Variants in ARHGEF10L observed in about 807,000 individuals in gnomAD.
ARHGEF10L encodes the protein rho guanine nucleotide exchange factor 10-like protein.
In ARHGEF10L, 69 loss-of-function variants were observed where a neutral mutation model predicts 141.2. The observed-to-expected ratio is 0.49, with a 90% CI of 0.40 to 0.60. The LOEUF (loss-of-function observed/expected upper bound fraction) is 0.60, where lower values mean the gene tolerates loss of function less well. Ranked by LOEUF, ARHGEF10L falls within the 20% of genes least tolerant of loss-of-function variation. The pLI, the probability that ARHGEF10L is intolerant of heterozygous loss-of-function variation, is 0.00. For synonymous variants in ARHGEF10L, 711 were observed against 718.5 expected (o/e 0.99, Z 0.17); for missense variants, 1,482 against 1,734.3 (o/e 0.85, Z 2.58).
At chr1:17,680,529 G>A (rs768653627) in intron 26 of ARHGEF10L, among the ~76,000 whole-genome samples, 6 of 152,172 alleles carry the variant, frequency 3.9e-5, no homozygotes, top group African/African-American at 7.2e-5. Context: ...GAGGGGCTCC[G>A]TGGGCAGGCT....
At chr1:17,694,788 G>C in intron 27 of ARHGEF10L, 1 of 389,132 alleles carries the variant, frequency 2.6e-6, no homozygotes, top group South Asian at 2.0e-5. Flanking sequence ...CTCGTAGCTG[G>C]CTGGCTGGAT....
At chr1:17,567,313 T>C (rs2077797114) in intron 1 of ARHGEF10L, among the ~76,000 whole-genome samples, 1 of 152,226 alleles carries the variant, frequency 6.6e-6, no homozygotes, top group Non-Finnish European at 1.5e-5. Context: ...ATTGGGGACA[T>C]GCTGGTGGAT....
intron 8 of ARHGEF10L, among the ~76,000 whole-genome samples, 176 bp downstream of exon 8, chr1:17,613,350 A>T (rs905575708): frequency 6.6e-6 from 1 of 152,182 alleles, no homozygotes; most frequent in Non-Finnish European, 1.5e-5. Flanking sequence ...GAACTGGCAG[A>T]TGCCTTAAGC....
chr1:17,651,861 G>A (rs981377089), intron 22 of ARHGEF10L, among the ~76,000 whole-genome samples: 33 of 152,256 alleles, frequency 2.2e-4, no homozygotes, highest in Middle Eastern at 3.4e-3. Flanking sequence ...GCCTCAAATC[G>A]CTGTCCCCCT....
intron 26 of ARHGEF10L, among the ~76,000 whole-genome samples, chr1:17,684,080 G>A (rs954268185): frequency 6.6e-6 from 1 of 152,146 alleles, no homozygotes; most frequent in African/African-American, 2.4e-5. Context: ...AAGCATGTTG[G>A]GTCTCACTGA....
At chr1:17,665,853 CA>C (rs1174200330) in intron 26 of ARHGEF10L, among the ~76,000 whole-genome samples, 3 of 152,134 alleles carry the variant, frequency 2.0e-5, no homozygotes, top group African/African-American at 7.2e-5. Flanking sequence ...CATCTGTGGA[CA>C]GCAAGCTGGA....
At chr1:17,696,546 A>G (rs895453565) in intron 28 of ARHGEF10L, among the ~76,000 whole-genome samples, 9 of 152,156 alleles carry the variant, frequency 5.9e-5, no homozygotes, top group Admixed American at 2.6e-4. Flanking sequence ...TTGCAGAATC[A>G]AGTAGACAGG....
rs748791023 is a variant in ARHGEF10L at position 17,654,614 on chromosome 1, T to C, written c.2395-22T>C. ...GGGCACCTTGATGATTAACCTCACA[T>C]GTACCGTCTCTGTCTCTGCAGCTTG... On this transcript the variant is annotated intron_variant, in intron 22 of 28. Transcript: ENST00000361221. This position sits in a 1 kb window ranked among gnomAD's most constrained non-coding sequence, Gnocchi z 4.3. 1 of 1,609,566 alleles carries C rather than the reference T, an allele frequency of 6.2e-7. No homozygotes were observed. The highest frequency in any genetic ancestry group is 1.1e-5 in the South Asian group (1 of 91,014).
chr1:17,550,419 G>T (rs2077068086), intron 1 of ARHGEF10L, among the ~76,000 whole-genome samples: 1 of 152,134 alleles, frequency 6.6e-6, no homozygotes, highest in Admixed American at 6.5e-5. Flanking sequence ...AAGGCGGGAG[G>T]ATCACTTGAG....
the ARHGEF10L span, among the ~76,000 whole-genome samples, chr1:17,515,133 G>A: frequency 6.6e-6 from 1 of 152,138 alleles, no homozygotes; most frequent in Non-Finnish European, 1.5e-5. Flanking sequence ...TTGTGAACAA[G>A]GGTCCTCAAT....
Position 17,697,853 on chromosome 1 carries a change from CAA to C in ARHGEF10L, c.*474_*475del, listed in dbSNP as rs1047108382. On this transcript the variant is annotated 3_prime_UTR_variant, in exon 29 of 29. Coordinates refer to ENST00000361221, the MANE Select transcript of ARHGEF10L (RefSeq NM_018125.4). This position sits in a 1 kb window ranked among gnomAD's most constrained non-coding sequence, Gnocchi z 4.8. ...CTCTGGGAGATGCTGGAATAAAAGA[CAA>C]GAGTTACATCTGGACTTGGATTGAG... 2.2e-5 allele frequency: 5 copies of C among 231,608 alleles called. No homozygotes were observed. The highest frequency in any genetic ancestry group is 6.8e-5 in the African/African-American group (3 of 44,226). The allele number at this position is 231,608 out of a possible 1,614,324, so 14.3% of individuals were successfully genotyped here. A position where few individuals can be genotyped will look rare whatever the true frequency, so the allele number is the denominator to read the frequency against.
chr1:17,622,067 G>T, intron 11 of ARHGEF10L, 126 bp downstream of exon 11: 1 of 882,498 alleles, frequency 1.1e-6, no homozygotes, highest in Non-Finnish European at 1.8e-6. Context: ...AGCCAGCACT[G>T]CTTTATGGGG....
intron 1 of ARHGEF10L, among the ~76,000 whole-genome samples, chr1:17,562,131 G>A (rs1332416864): frequency 3.3e-5 from 5 of 151,932 alleles, no homozygotes; most frequent in Admixed American, 6.6e-5. Flanking sequence ...AGATTGAGTC[G>A]GGGTTGGGTG....
intron 9 of ARHGEF10L, chr1:17,618,249 C>A (rs2059912797): frequency 7.4e-7 from 1 of 1,357,140 alleles, no homozygotes; most frequent in Non-Finnish European, 9.8e-7. Flanking sequence ...TAGGGCTCTC[C>A]TCAGCCCTCC....
chr1:17,624,482 T>C lies in ARHGEF10L; in HGVS notation c.1296T>C (p.Pro432=). ...TCAAGAAGGCCTGCCTCACCAAGCC[T>C]GCCTTCCTCGAGTTCCTCAAGGTGG... ...SIIKKACLTK[P]AFLEFLKRRQ... The change falls in exon 13 of 29, where the codon CCT becomes CCC. Residue 432 remains proline (P), a synonymous_variant. Transcript: ENST00000361221. 1 of 1,614,210 alleles carries C rather than the reference T, an allele frequency of 6.2e-7. No individual in the cohort carries two copies. The highest frequency in any genetic ancestry group is 1.1e-5 in the South Asian group (1 of 91,088).
the ARHGEF10L span, among the ~76,000 whole-genome samples, chr1:17,515,919 G>A: frequency 1.3e-5 from 2 of 152,210 alleles, no homozygotes; most frequent in African/African-American, 2.4e-5. Context: ...TTACAAGTGT[G>A]AGCCACTGCA....
intron 1 of ARHGEF10L, among the ~76,000 whole-genome samples, chr1:17,550,512 G>A (rs948546311): frequency 3.3e-5 from 5 of 152,086 alleles, no homozygotes; most frequent in Admixed American, 3.3e-4. Flanking sequence ...GTGTGGTGGC[G>A]GGCGCCTGTA....
the ARHGEF10L span, among the ~76,000 whole-genome samples, chr1:17,531,081 G>A: frequency 6.6e-6 from 1 of 152,208 alleles, no homozygotes; most frequent in African/African-American, 2.4e-5. Flanking sequence ...AAGAGTCAAT[G>A]GGATCATGCA....
At chr1:17,695,693 G>A (rs1048420130) in intron 28 of ARHGEF10L, among the ~76,000 whole-genome samples, 1 of 152,222 alleles carries the variant, frequency 6.6e-6, no homozygotes, top group African/African-American at 2.4e-5. Flanking sequence ...ATAGATCAGA[G>A]GAAGGTCTGC....
Sources: gnomAD v4.1 joint callset for allele counts (sites outside exome capture counted in the v4.1 genomes callset) on GRCh38, gnomAD v4.1.1 for gene constraint, Gnocchi (gnomAD v3.1) non-coding constraint, MANE v1.5 for transcripts, NCBI Gene and HGNC (gene_info 2026-07-23, HGNC 2026-07-21) for gene names.